The following ST3GAL3 variants were observed in gnomAD, a reference collection of about 807,000 sequenced individuals.
The protein encoded by ST3GAL3 is CMP-N-acetylneuraminate-beta-1,4-galactoside alpha-2,3-sialyltransferase.
ST3GAL3 carries 21 observed loss-of-function variants against 50.1 expected under a neutral mutation model. The ratio of observed to expected loss-of-function variants is 0.42; its 90% confidence interval spans 0.30 to 0.60. The LOEUF is 0.60. Among genes scored for constraint, ST3GAL3 ranks in the 20% least tolerant of loss-of-function variants. ST3GAL3 has a pLI of 0.19. For missense variants in ST3GAL3, 353 were observed against 489.4 expected, an observed-to-expected ratio of 0.72 and a Z score of 2.63; for synonymous variants, 183 against 190.0, an observed-to-expected ratio of 0.96 and a Z score of 0.30.
intron 5 of ST3GAL3, among the ~76,000 whole-genome samples, chr1:43,853,460 C>T (rs928656783): frequency 2.6e-5 from 4 of 152,148 alleles, no homozygotes; most frequent in Non-Finnish European, 4.4e-5. Context: ...GCAGTTTGCC[C>T]GAGGTCACAC....
intron 9 of ST3GAL3, among the ~76,000 whole-genome samples, chr1:43,917,510 A>T (rs1255376653): frequency 5.9e-4 from 41 of 70,048 alleles, no homozygotes; most frequent in African/African-American, 1.6e-3. Context: ...TATATTATAT[A>T]ATATAATATA....
intron 5 of ST3GAL3, among the ~76,000 whole-genome samples, chr1:43,882,606 G>A (rs74658024): frequency 0.043 from 6,585 of 152,222 alleles, 235 homozygotes; most frequent in Middle Eastern, 0.12. Context: ...TTCTAAGCTC[G>A]AAGTTGGCAC....
chr1:43,745,363 T>C (rs1481983530), intron 2 of ST3GAL3, among the ~76,000 whole-genome samples: 3 of 152,210 alleles, frequency 2.0e-5, no homozygotes, highest in African/African-American at 7.2e-5. Flanking sequence ...AACAAGAATG[T>C]TTTATATAAA....
At chr1:43,719,687 G>A (rs1464339659) in intron 1 of ST3GAL3, among the ~76,000 whole-genome samples, 1 of 146,092 alleles carries the variant, frequency 6.8e-6, no homozygotes, top group Non-Finnish European at 1.5e-5. Context: ...ATAAGCGGTG[G>A]CTTGGGAGGC....
At chr1:43,729,094 T>TC (rs1183230992) in intron 1 of ST3GAL3, among the ~76,000 whole-genome samples, 2 of 148,016 alleles carry the variant, frequency 1.4e-5, no homozygotes, top group African/African-American at 5.0e-5. Context: ...TTTTTCTTTT[T>TC]TTTTTTTTTT....
intron 5 of ST3GAL3, among the ~76,000 whole-genome samples, chr1:43,881,076 TCTC>T (rs1285511681): frequency 2.0e-5 from 3 of 151,828 alleles, no homozygotes; most frequent in Admixed American, 2.0e-4. Context: ...AATGGCGCGA[TCTC>T]AGCTCACTGC....
chr1:43,921,037 A>G (rs1414147135), intron 11 of ST3GAL3, 109 bp downstream of exon 11: 12 of 1,345,868 alleles, frequency 8.9e-6, no homozygotes, highest in Non-Finnish European at 1.2e-5. Context: ...AGAACTCCCC[A>G]GAAGGTCCTG....
chr1:43,877,594 T>G (rs1283719391), intron 5 of ST3GAL3, among the ~76,000 whole-genome samples: 1 of 152,184 alleles, frequency 6.6e-6, no homozygotes, highest in Non-Finnish European at 1.5e-5. Context: ...ATACTCCAGG[T>G]GCAGTTGGAT....
intron 4 of ST3GAL3, among the ~76,000 whole-genome samples, chr1:43,822,405 T>G (rs540196412): frequency 5.7e-4 from 87 of 152,316 alleles, no homozygotes; most frequent in African/African-American, 2.0e-3. Context: ...CAGTGTGGTG[T>G]TTTACAGTTG....
At chr1:43,928,243 G>A (rs991389570) in intron 11 of ST3GAL3, among the ~76,000 whole-genome samples, 2 of 152,182 alleles carry the variant, frequency 1.3e-5, no homozygotes, top group Admixed American at 1.3e-4. Flanking sequence ...CTCCCAAGTA[G>A]TTGGGACTAC....
At chr1:43,863,857 G>A (rs1036555004) in intron 5 of ST3GAL3, among the ~76,000 whole-genome samples, 1 of 152,192 alleles carries the variant, frequency 6.6e-6, no homozygotes, top group African/African-American at 2.4e-5. Context: ...ATCTGGACCT[G>A]CCCATGGTGA....
chr1:43,886,963 A>G (rs901114774), intron 5 of ST3GAL3, among the ~76,000 whole-genome samples: 1 of 152,248 alleles, frequency 6.6e-6, no homozygotes, highest in African/African-American at 2.4e-5. Flanking sequence ...CTTTGGTGTC[A>G]TAGGGATGGG....
chr1:43,771,459 A>G (rs1487739136), intron 2 of ST3GAL3, among the ~76,000 whole-genome samples: 1 of 151,350 alleles, frequency 6.6e-6, no homozygotes, highest in East Asian at 1.9e-4. Context: ...CGGGGTTCAC[A>G]CCATTCTCCT....
intron 9 of ST3GAL3, among the ~76,000 whole-genome samples, chr1:43,906,420 T>C (rs2079700365): frequency 7.5e-6 from 1 of 132,526 alleles, no homozygotes; most frequent in Non-Finnish European, 1.6e-5. Flanking sequence ...CTCCTGTTCC[T>C]CTTCCCACCA....
intron 2 of ST3GAL3, 103 bp from the exon 3 acceptor site, chr1:43,791,999 C>T: frequency 7.2e-7 from 1 of 1,384,740 alleles, no homozygotes; most frequent in Non-Finnish European, 1.0e-6. Flanking sequence ...GAGTTCCCTT[C>T]CAGTTGACTC....
In ST3GAL3 at chr1:43,746,852, T is replaced by C. The variant is rs187959622; in HGVS notation, c.118+10472T>C. On this transcript the variant is annotated intron_variant, in intron 2 of 11. Transcript: ENST00000347631. ...ATCTCGGCTCACTGCAACCTCTGCC[T>C]GCTGGGTTCAAGCAATTCTTTTGCC... 2.3e-3 allele frequency among the ~76,000 whole-genome samples: 351 copies of C among 151,930 alleles called. 1 individual carries two copies. Among genetic ancestry groups the C allele is most frequent in the Middle Eastern group, 0.02 (6 of 294 alleles).
chr1:43,765,797 G>A (rs1341427194), intron 2 of ST3GAL3, among the ~76,000 whole-genome samples: 2 of 146,800 alleles, frequency 1.4e-5, no homozygotes, highest in African/African-American at 2.7e-5. Flanking sequence ...GCGCGCGCGC[G>A]CGCGTCCGCG....
intron 4 of ST3GAL3, among the ~76,000 whole-genome samples, chr1:43,834,725 C>T (rs2064039117): frequency 6.6e-6 from 1 of 152,240 alleles, no homozygotes; most frequent in Non-Finnish European, 1.5e-5. Flanking sequence ...GAACCCGAGC[C>T]AGGCGCTTAT....
intron 9 of ST3GAL3, among the ~76,000 whole-genome samples, chr1:43,907,916 G>A (rs1056251444): frequency 1.2e-4 from 19 of 152,012 alleles, no homozygotes; most frequent in African/African-American, 3.9e-4. Flanking sequence ...CCTGTTTGCC[G>A]TCTGTTTCTC....
Sources: gnomAD v4.1 joint callset for allele counts (sites outside exome capture counted in the v4.1 genomes callset) on GRCh38, gnomAD v4.1.1 for gene constraint, MANE v1.5 for transcripts, NCBI Gene and HGNC (gene_info 2026-07-23, HGNC 2026-07-21) for gene names.